Variants in IGDCC3 observed in about 807,000 individuals in gnomAD.
The protein encoded by IGDCC3 is putative neuronal cell adhesion molecule.
IGDCC3 carries 47 observed loss-of-function variants against 72.0 expected under a neutral mutation model. The ratio of observed to expected loss-of-function variants is 0.65; its 90% confidence interval spans 0.52 to 0.83. IGDCC3 has a LOEUF of 0.83. Among genes scored for constraint, IGDCC3 ranks in the 40% least tolerant of loss-of-function variants. The probability of loss-of-function intolerance (pLI) is 0.00; values close to 1 mark genes in which losing one functional copy is unlikely to be tolerated. For synonymous variants in IGDCC3, 477 were observed against 472.8 expected (o/e 1.01, Z -0.11); for missense variants, 1,038 against 1,091.3 (o/e 0.95, Z 0.69).
intron 2 of IGDCC3, among the ~76,000 whole-genome samples, chr15:65,343,627 C>T (rs559891577): frequency 2.0e-5 from 3 of 152,260 alleles, no homozygotes; most frequent in South Asian, 2.1e-4. Context: ...TGTGGCTCTC[C>T]GAGGTATAGT....
intron 2 of IGDCC3, chr15:65,355,660 G>GCCCCCCCCCCCC: frequency 1.8e-5 from 2 of 113,946 alleles, no homozygotes; most frequent in South Asian, 5.1e-5. Flanking sequence ...CGGGCGTCCC[G>GCCCCCCCCCCCC]CCCCCCCGCC....
chr15:65,334,056 G>C (rs1177594407), intron 5 of IGDCC3, among the ~76,000 whole-genome samples: 1 of 148,668 alleles, frequency 6.7e-6, no homozygotes, highest in Non-Finnish European at 1.5e-5. Flanking sequence ...TTCAGGCCCT[G>C]AAGTGGTGAA....
At chr15:65,360,213 C>G (rs970501195) in intron 2 of IGDCC3, among the ~76,000 whole-genome samples, 1 of 152,196 alleles carries the variant, frequency 6.6e-6, no homozygotes, top group South Asian at 2.1e-4. Context: ...AAAGCAATAT[C>G]ACTTTATTTC....
In IGDCC3 at chr15:65,353,874, C is replaced by T. The variant is rs192845909; in HGVS notation, c.410-17918G>A. ...AATGGGCAACCAGTAGCCCTCAGGGCCGCTCTATGGAGTAGCCATTCTTTT... is the reference window on the plus strand; with the variant it reads ...AATGGGCAACCAGTAGCCCTCAGGGTCGCTCTATGGAGTAGCCATTCTTTT... On this transcript the variant is annotated intron_variant, in intron 2 of 13. Transcript: ENST00000327987. Among the ~76,000 whole-genome samples, 386 of 152,318 alleles carry T rather than the reference C, an allele frequency of 2.5e-3. 1 individual carries two copies. The highest frequency in any genetic ancestry group is 7.7e-3 in the South Asian group (37 of 4,830).
intron 2 of IGDCC3, among the ~76,000 whole-genome samples, 158 bp downstream of exon 2, chr15:65,374,939 C>A (rs755035511): frequency 2.0e-5 from 3 of 152,180 alleles, no homozygotes; most frequent in Non-Finnish European, 2.9e-5. Flanking sequence ...TCCACCGCCA[C>A]GAATCACTGC....
chr15:65,356,359 G>A (rs1181418611), intron 2 of IGDCC3: 1 of 152,244 alleles, frequency 6.6e-6, no homozygotes, highest in Non-Finnish European at 1.5e-5. Flanking sequence ...TAGAGGAGTC[G>A]GGAAGAGGGA....
At chr15:65,331,730 T>A in intron 7 of IGDCC3, 71 bp from the exon 8 acceptor site, 1 of 1,491,528 alleles carries the variant, frequency 6.7e-7, no homozygotes, top group Non-Finnish European at 8.9e-7. Flanking sequence ...ATTTGAAAGA[T>A]GGAGAAACTG....
Position 65,333,408 on chromosome 15 carries a change from G to C in IGDCC3, c.831C>G (p.Arg277=), listed in dbSNP as rs1339149507. The C allele has an allele frequency of 1.6e-5, 26 of 1,602,016 alleles. No homozygotes were observed. The highest frequency in any genetic ancestry group is 2.2e-5 in the Non-Finnish European group (26 of 1,174,038). ...PIVSWSRLDG[R]PIGVEGIQVL... is the part of the protein sequence containing the mutation. ...CCTGGATGCCCTCCACCCCGATAGG[G>C]CGACCATCTGCAGAGGAAGGGGAGG... Residue 277 remains arginine (R), a synonymous_variant, in exon 6 of 14, where the codon CGC becomes CGG. Coordinates refer to ENST00000327987, the MANE Select transcript of IGDCC3 (RefSeq NM_004884.4).
At position 65,328,755 on chromosome 15, in the gene IGDCC3, G is replaced by T. The variant is rs1000264556; in HGVS notation, c.*154C>A. The T allele has an allele frequency of 3.2e-6, 3 of 939,662 alleles. No individual in the cohort carries two copies. Among genetic ancestry groups the T allele is most frequent in the African/African-American group, 1.7e-5 (1 of 58,770 alleles). 58.2% of individuals were successfully genotyped at this position (939,662 alleles called of 1,614,324 possible). A position where few individuals can be genotyped will look rare whatever the true frequency, so the allele number is the denominator to read the frequency against. On this transcript the variant is annotated 3_prime_UTR_variant, in exon 14 of 14. Transcript: ENST00000327987. The stretch of plus-strand genomic sequence containing the variant: ...TTAGGGCCGGGGGGTCCCTGTCAAG[G>T]CTGCCTTGGGTTTTGACAACCCAAG...
chr15:65,349,222 A>T (rs908153840), intron 2 of IGDCC3, among the ~76,000 whole-genome samples: 2 of 152,152 alleles, frequency 1.3e-5, no homozygotes, highest in African/African-American at 4.8e-5. Context: ...ATGTTTTGTT[A>T]TCACAAGTAT....
chr15:65,339,129 T>TGGA lies in IGDCC3; in HGVS notation c.410-3176_410-3174dup, dbSNP rs1366612201. ...CGGAATCTTGCTCTGTCACCCAGGC[T>TGGA]GGAGTGCAATGGCATGATCTCAGCT... is the stretch of plus-strand genomic sequence containing the variant. On this transcript the variant is annotated intron_variant, in intron 2 of 13. Coordinates refer to ENST00000327987, the MANE Select transcript of IGDCC3 (RefSeq NM_004884.4). The surrounding 1 kb of genome is among the most constrained non-coding windows in gnomAD (Gnocchi z 4.1). Among the ~76,000 whole-genome samples the TGGA allele has an allele frequency of 6.6e-6, 1 of 152,168 alleles. No homozygotes were observed. Among genetic ancestry groups the TGGA allele is most frequent in the Non-Finnish European group, 1.5e-5 (1 of 68,036 alleles).
Position 65,377,715 on chromosome 15 carries a change from A to C in IGDCC3, c.74T>G (p.Leu25Arg), listed in dbSNP as rs2091368259. Residue 25 changes from leucine (L) to arginine (R), a missense_variant, in exon 1 of 14, where the codon CTG (leucine) becomes CGG (arginine). Physicochemically the swap from Leu to Arg is moderately radical, Grantham distance 102. Coordinates refer to ENST00000327987, the MANE Select transcript of IGDCC3 (RefSeq NM_004884.4). This position sits in a 1 kb window ranked among gnomAD's most constrained non-coding sequence, Gnocchi z 4.9. ...PLWPRLLLPL[L>R]LLLLPAPSEG... ...GCTCGGCGCGGGCAGCAGCAGCAAC[A>C]GCAGCGGCAGCAGGAGCCGGGGCCA... 64 of 1,383,566 alleles carry C rather than the reference A, an allele frequency of 4.6e-5. No homozygotes were observed. Among genetic ancestry groups the C allele is most frequent in the Non-Finnish European group, 5.9e-5 (63 of 1,072,266 alleles). 85.7% of individuals were successfully genotyped at this position (1,383,566 alleles called of 1,614,324 possible). A position where few individuals can be genotyped will look rare whatever the true frequency, so the allele number is the denominator to read the frequency against.
intron 2 of IGDCC3, among the ~76,000 whole-genome samples, chr15:65,365,921 A>G (rs1322991231): frequency 6.6e-6 from 1 of 152,074 alleles, no homozygotes; most frequent in Non-Finnish European, 1.5e-5. Context: ...AAATTTTAAA[A>G]ATTTGGCCGG....
Position 65,329,229 on chromosome 15 carries a change from G to T in IGDCC3, c.2206-81C>A. ...CAACTCACCCCACTTGGGCCTTAGG[G>T]TCTCCAGGTCTCCCTGCCTGACTCA... On this transcript the variant is annotated intron_variant, in intron 13 of 13. Transcript: ENST00000327987. This position sits in a 1 kb window ranked among gnomAD's most constrained non-coding sequence, Gnocchi z 4.1. The T allele has an allele frequency of 6.6e-7, 1 of 1,521,044 alleles. No homozygotes were observed. Among genetic ancestry groups the T allele is most frequent in the Admixed American group, 2.2e-5 (1 of 46,108 alleles). 94.2% of individuals were successfully genotyped at this position (1,521,044 alleles called of 1,614,324 possible).
At chr15:65,330,527 G>A in intron 10 of IGDCC3, 23 bp downstream of exon 10, 2 of 1,609,848 alleles carry the variant, frequency 1.2e-6, no homozygotes, top group Non-Finnish European at 1.7e-6. Flanking sequence ...AGCCCCCTAG[G>A]CTCTGGGCTG....
chr15:65,370,141 G>A (rs954874368), intron 2 of IGDCC3, among the ~76,000 whole-genome samples: 3 of 152,000 alleles, frequency 2.0e-5, no homozygotes, highest in Non-Finnish European at 2.9e-5. Flanking sequence ...GGACCTTTCC[G>A]GGAATGATAC....
intron 2 of IGDCC3, among the ~76,000 whole-genome samples, chr15:65,370,532 A>G (rs9744398): frequency 7.0e-6 from 1 of 142,722 alleles, no homozygotes; most frequent in Admixed American, 7.2e-5. Flanking sequence ...ATATATATAT[A>G]TATATTTATA....
rs2090953524 is a variant in IGDCC3, at chr15:65,329,317, G to A, written c.2205+73C>T. 6.7e-7 allele frequency: 1 copy of A among 1,495,842 alleles called. No individual in the cohort carries two copies. Among genetic ancestry groups the A allele is most frequent in the Non-Finnish European group, 9.0e-7 (1 of 1,105,522 alleles). 92.7% of individuals were successfully genotyped at this position (1,495,842 alleles called of 1,614,324 possible). On this transcript the variant is annotated intron_variant, in intron 13 of 13. Coordinates refer to ENST00000327987, the MANE Select transcript of IGDCC3 (RefSeq NM_004884.4). This position sits in a 1 kb window ranked among gnomAD's most constrained non-coding sequence, Gnocchi z 4.1. The stretch of plus-strand genomic sequence containing the variant: ...AATGATCGAGGCCCGTGGCCAAGGT[G>A]AAGGGGGGCAGGATTGGAAGGTGGC...
intron 6 of IGDCC3, 34 bp from the exon 7 acceptor site, chr15:65,332,140 C>T (rs931266126): frequency 6.3e-7 from 1 of 1,599,214 alleles, no homozygotes; most frequent in Non-Finnish European, 8.5e-7. Context: ...GGGGCGCAGA[C>T]AGACACAGCT....
Sources: allele counts gnomAD v4.1 joint callset (sites outside exome capture counted in the v4.1 genomes callset), GRCh38; gene constraint gnomAD v4.1.1; non-coding constraint Gnocchi (gnomAD v3.1); transcripts MANE v1.5; gene names NCBI Gene and HGNC (gene_info 2026-07-23, HGNC 2026-07-21).